Variants in CNTLN observed in about 807,000 individuals in gnomAD.
CNTLN encodes centlein, centrosomal protein.
Under a neutral mutation model 180.0 loss-of-function variants are expected in CNTLN, and 212 were observed. That is an observed-to-expected ratio of 1.18 (90% CI 1.05 to 1.32). CNTLN has a LOEUF of 1.32. Among genes scored for constraint, CNTLN ranks in the 40% most tolerant of loss-of-function variants. The probability of loss-of-function intolerance (pLI) is 0.00; values close to 1 mark genes in which losing one functional copy is unlikely to be tolerated. For synonymous variants in CNTLN, 722 were observed against 563.1 expected (o/e 1.28, Z -3.99); for missense variants, 2,095 against 1,610.9 (o/e 1.30, Z -5.14).
At chr9:17,204,049 TA>T (rs1282404968) in intron 2 of CNTLN, among the ~76,000 whole-genome samples, 1 of 152,190 alleles carries the variant, frequency 6.6e-6, no homozygotes, top group Non-Finnish European at 1.5e-5. Context: ...TTATTCTAGT[TA>T]GCAGTTTTTG....
intron 5 of CNTLN, among the ~76,000 whole-genome samples, chr9:17,243,719 A>C (rs553376485): frequency 6.6e-6 from 1 of 152,158 alleles, no homozygotes; most frequent in African/African-American, 2.4e-5. Context: ...CACTTGTTTT[A>C]TGGTGAACAT....
At chr9:17,460,389 A>T (rs9969800) in intron 19 of CNTLN, among the ~76,000 whole-genome samples, 1 of 151,596 alleles carries the variant, frequency 6.6e-6, no homozygotes, top group Non-Finnish European at 1.5e-5. Context: ...ATCATACATC[A>T]AAGGATGTAT....
chr9:17,332,830 C>T, intron 10 of CNTLN, 100 bp downstream of exon 10: 1 of 925,126 alleles, frequency 1.1e-6, no homozygotes, highest in Non-Finnish European at 1.5e-6. Flanking sequence ...TTTTTCTTTC[C>T]TGAATTTAAT....
At position 17,370,172 on chromosome 9, in the gene CNTLN, C is replaced by A. The variant is rs373477040; in HGVS notation, c.1987+3455C>A. 1.2e-4 allele frequency among the ~76,000 whole-genome samples: 19 copies of A among 152,100 alleles called. No homozygotes were observed. The East Asian group carries it at 1.5e-3, about 12-fold the overall frequency. On this transcript the variant is annotated intron_variant, in intron 13 of 25. Transcript: ENST00000380647. ...GGAAAATAACAGAGAACTTTTCAAA[C>A]CTAGCAAAAGATAACAATATTCAAC...
At chr9:17,272,564 A>T (rs993926081) in intron 5 of CNTLN, among the ~76,000 whole-genome samples, 4 of 152,122 alleles carry the variant, frequency 2.6e-5, no homozygotes, top group African/African-American at 7.2e-5. Flanking sequence ...TCTTCTTTCC[A>T]GCCTGAGGCA....
chr9:17,363,178 C>T (rs1022895079), intron 12 of CNTLN, among the ~76,000 whole-genome samples: 1 of 151,828 alleles, frequency 6.6e-6, no homozygotes, highest in Non-Finnish European at 1.5e-5. Flanking sequence ...CTATTGTGAA[C>T]AAACATACAA....
In CNTLN at chr9:17,364,344, CA is replaced by C. The variant is rs1823634447; in HGVS notation, c.1887-2271del. Among the ~76,000 whole-genome samples, 3 of 152,198 alleles carry C rather than the reference CA, an allele frequency of 2.0e-5. No homozygotes were observed. The South Asian group carries it at 6.2e-4, about 32-fold the overall frequency. ...CTCCTTCTGCTCTCTTCCATTTTAT[CA>C]ATTTCCATTAGCTTTTTCTACTTGC... On this transcript the variant is annotated intron_variant, in intron 12 of 25. Coordinates refer to ENST00000380647, the MANE Select transcript of CNTLN (RefSeq NM_017738.4).
intron 10 of CNTLN, among the ~76,000 whole-genome samples, chr9:17,333,982 A>G (rs1820814756): frequency 6.6e-6 from 1 of 152,138 alleles, no homozygotes; most frequent in East Asian, 1.9e-4. Context: ...TCTTGTGTTA[A>G]TTGTAAATGT....
chr9:17,470,734 G>C lies in CNTLN; in HGVS notation c.3855+3843G>C, dbSNP rs77965520. ...GGCTTGTTAATGTGCCTGTATGTGA[G>C]AGTCATTTGCCAAGCTCCATCTTTT... On this transcript the variant is annotated intron_variant, in intron 23 of 25. Transcript: ENST00000380647. 1.8e-4 allele frequency among the ~76,000 whole-genome samples: 28 copies of C among 152,116 alleles called. 1 individual carries two copies. In the East Asian group the frequency reaches 4.8e-3, roughly 26 times the overall value.
At chr9:17,233,453 T>G (rs1216840199) in intron 3 of CNTLN, among the ~76,000 whole-genome samples, 1 of 152,176 alleles carries the variant, frequency 6.6e-6, no homozygotes, top group Non-Finnish European at 1.5e-5. Flanking sequence ...ATATTTTCTA[T>G]TGTATTATAA....
chr9:17,211,554 A>G (rs1480866005), intron 2 of CNTLN, among the ~76,000 whole-genome samples: 1 of 152,152 alleles, frequency 6.6e-6, no homozygotes, highest in Non-Finnish European at 1.5e-5. Flanking sequence ...TTTTGGTTCC[A>G]TGTGAACTTT....
chr9:17,448,528 T>G (rs1277289006), intron 18 of CNTLN: 1 of 152,320 alleles, frequency 6.6e-6, no homozygotes, highest in African/African-American at 2.4e-5. Flanking sequence ...AAACTCTGCG[T>G]GTACAATGTC....
intron 2 of CNTLN, among the ~76,000 whole-genome samples, chr9:17,160,971 T>TA (rs1819636425): frequency 6.6e-6 from 1 of 152,132 alleles, no homozygotes; most frequent in Admixed American, 6.5e-5. Context: ...ATTTAGCTAT[T>TA]AAAGAATACT....
At chr9:17,170,718 A>G (rs114075246) in intron 2 of CNTLN, among the ~76,000 whole-genome samples, 2,890 of 151,086 alleles carry the variant, frequency 0.019, 58 homozygotes, top group African/African-American at 0.05. Flanking sequence ...ATATCATTTA[A>G]TCATCCATCT....
intron 12 of CNTLN, among the ~76,000 whole-genome samples, chr9:17,358,031 A>T (rs949352370): frequency 6.6e-6 from 1 of 152,034 alleles, no homozygotes; most frequent in African/African-American, 2.4e-5. Context: ...GATATAAAAA[A>T]GTTTTAAATT....
chr9:17,150,240 A>G (rs1818764198), intron 2 of CNTLN, among the ~76,000 whole-genome samples: 1 of 152,198 alleles, frequency 6.6e-6, no homozygotes. Flanking sequence ...ATATGTCCTG[A>G]ATGGTATTGC....
rs780969151 is a variant in CNTLN, at chr9:17,415,858, C to T, written c.2867C>T (p.Ser956Leu). 1.2e-6 allele frequency: 2 copies of T among 1,612,196 alleles called. No homozygotes were observed. The highest frequency in any genetic ancestry group is 1.7e-6 in the Non-Finnish European group (2 of 1,179,056). The change falls in exon 17 of 26, where the codon TCA (serine) becomes TTA (leucine). Residue 956 changes from serine to leucine, a missense_variant. By Grantham distance (145) the Ser-to-Leu change is moderately radical. Coordinates refer to ENST00000380647, the MANE Select transcript of CNTLN (RefSeq NM_017738.4). ...QKKNCKMQKS[S>L]HTAVPTRVNR... ...AAGAATTGCAAGATGCAAAAGAGTTCACATACAGCAGTTCCTACTAGAGGT... is the reference window on the plus strand; with the variant it reads ...AAGAATTGCAAGATGCAAAAGAGTTTACATACAGCAGTTCCTACTAGAGGT...
chr9:17,451,811 T>G (rs1245503735), intron 18 of CNTLN, among the ~76,000 whole-genome samples: 1 of 152,180 alleles, frequency 6.6e-6, no homozygotes, highest in Non-Finnish European at 1.5e-5. Context: ...TAAGAATATT[T>G]CCAAATTTTT....
intron 2 of CNTLN, among the ~76,000 whole-genome samples, chr9:17,187,929 T>C (rs561360663): frequency 6.6e-6 from 1 of 151,060 alleles, no homozygotes; most frequent in Non-Finnish European, 1.5e-5. Context: ...ATTTTGAGTG[T>C]GTGAAAATGT....
Sources: gnomAD v4.1 joint callset for allele counts (sites outside exome capture counted in the v4.1 genomes callset) on GRCh38, gnomAD v4.1.1 for gene constraint, MANE v1.5 for transcripts, NCBI Gene and HGNC (gene_info 2026-07-23, HGNC 2026-07-21) for gene names.